SKAP2: variants seen among roughly 807,000 people sequenced by gnomAD.
The protein encoded by SKAP2 is src kinase-associated phosphoprotein 2.
A neutral mutation model predicts 54.9 loss-of-function variants in SKAP2; 28 were observed. The observed-to-expected ratio is 0.51, with a 90% confidence interval of 0.38 to 0.70. SKAP2 has a LOEUF of 0.70. Among genes scored for constraint, SKAP2 ranks in the 30% least tolerant of loss-of-function variants. The pLI is 0.00. For synonymous variants in SKAP2, 137 were observed against 134.3 expected, an observed-to-expected ratio of 1.02 and a Z score of -0.14; for missense variants, 356 against 424.1, an observed-to-expected ratio of 0.84 and a Z score of 1.41.
At chr7:26,753,484 C>T (rs1562597888) in intron 4 of SKAP2, among the ~76,000 whole-genome samples, 1 of 152,078 alleles carries the variant, frequency 6.6e-6, no homozygotes, top group East Asian at 1.9e-4. Context: ...ACAGATAAAA[C>T]ACAGTTCTGC....
rs538974844 is a variant in SKAP2 at position 26,719,557 on chromosome 7, A to C, written c.796+5871T>G. On this transcript the variant is annotated intron_variant, in intron 9 of 12. Coordinates refer to ENST00000345317, the MANE Select transcript of SKAP2 (RefSeq NM_003930.5). ...TCTTTTCCTTCAGCCTCAAAAGAAC[A>C]ACCCTATCAGAATAGGATAAATCAA... 2.6e-5 allele frequency among the ~76,000 whole-genome samples: 4 copies of C among 152,348 alleles called. No individual in the cohort carries two copies. In the South Asian group the frequency reaches 8.3e-4, roughly 32 times the overall value.
At chr7:26,773,374 T>C (rs1783230720) in intron 4 of SKAP2, among the ~76,000 whole-genome samples, 1 of 152,254 alleles carries the variant, frequency 6.6e-6, no homozygotes, top group Non-Finnish European at 1.5e-5. Context: ...ATAATTTGTA[T>C]TAAGTTAGCA....
intron 4 of SKAP2, among the ~76,000 whole-genome samples, chr7:26,825,994 C>A (rs890670978): frequency 6.6e-6 from 1 of 152,012 alleles, no homozygotes; most frequent in Non-Finnish European, 1.5e-5. Context: ...TTTAAGACTA[C>A]CTCAGTTTTC....
At chr7:26,747,371 G>C (rs1016986798) in intron 4 of SKAP2, among the ~76,000 whole-genome samples, 2 of 152,112 alleles carry the variant, frequency 1.3e-5, no homozygotes, top group African/African-American at 4.8e-5. Context: ...TTGGGGAAAA[G>C]GCTTTAAAAA....
At chr7:26,750,989 A>G (rs570271650) in intron 4 of SKAP2, among the ~76,000 whole-genome samples, 2 of 152,264 alleles carry the variant, frequency 1.3e-5, no homozygotes, top group East Asian at 3.9e-4. Context: ...TTTTCAGATT[A>G]TAAGTAACAT....
chr7:26,842,329 GTGTA>G (rs1562632031), intron 4 of SKAP2, among the ~76,000 whole-genome samples: 1 of 151,304 alleles, frequency 6.6e-6, no homozygotes, highest in Non-Finnish European at 1.5e-5. Context: ...CAATCTTTTA[GTGTA>G]TTTCCTGAAT....
At chr7:26,770,836 G>A (rs907092937) in intron 4 of SKAP2, among the ~76,000 whole-genome samples, 7 of 152,168 alleles carry the variant, frequency 4.6e-5, no homozygotes, top group Admixed American at 1.3e-4. Context: ...AGTTGGAAAT[G>A]CAGTAATCAC....
chr7:26,668,665 T>G lies in SKAP2; in HGVS notation c.*1001A>C, dbSNP rs1786163748. ...TTTGAGAATACACTGAGATTCTGTT[T>G]TTTTTTTTTTTTTTTTCTGAGATGG... On this transcript the variant is annotated 3_prime_UTR_variant, in exon 13 of 13. Coordinates refer to ENST00000345317, the MANE Select transcript of SKAP2 (RefSeq NM_003930.5). The G allele has an allele frequency of 6.7e-6, 1 of 149,626 alleles. No homozygotes were observed. Among genetic ancestry groups the G allele is most frequent in the African/African-American group, 2.5e-5 (1 of 40,508 alleles). The allele number at this position is 149,626 out of a possible 1,614,324, so 9.3% of individuals were successfully genotyped here.
At chr7:26,713,844 C>A (rs1264318010) in intron 9 of SKAP2, among the ~76,000 whole-genome samples, 1 of 152,156 alleles carries the variant, frequency 6.6e-6, no homozygotes, top group African/African-American at 2.4e-5. Flanking sequence ...CGTGATCCAC[C>A]TGCCTCGGCC....
intron 4 of SKAP2, among the ~76,000 whole-genome samples, chr7:26,760,512 C>T (rs1235470346): frequency 6.6e-6 from 1 of 152,078 alleles, no homozygotes; most frequent in African/African-American, 2.4e-5. Flanking sequence ...CATACAAATA[C>T]ACCTATGATA....
intron 9 of SKAP2, among the ~76,000 whole-genome samples, chr7:26,713,580 G>C (rs899727280): frequency 4.0e-5 from 6 of 151,870 alleles, no homozygotes; most frequent in African/African-American, 1.5e-4. Flanking sequence ...ACAGTGCTAA[G>C]ATGCTTATTT....
At chr7:26,680,598 T>A (rs932824798) in intron 11 of SKAP2, among the ~76,000 whole-genome samples, 3 of 152,224 alleles carry the variant, frequency 2.0e-5, no homozygotes, top group African/African-American at 7.2e-5. Context: ...TTGATCCATT[T>A]TTTAAGAGAA....
At chr7:26,864,263 G>T in intron 1 of SKAP2, 100 bp downstream of exon 1, 1 of 1,425,850 alleles carries the variant, frequency 7.0e-7, no homozygotes, top group South Asian at 1.2e-5. Context: ...TGGGAAGCGC[G>T]GGGAGGGAGG....
At chr7:26,863,169 C>G (rs1785302982) in intron 1 of SKAP2, among the ~76,000 whole-genome samples, 1 of 152,112 alleles carries the variant, frequency 6.6e-6, no homozygotes, top group Non-Finnish European at 1.5e-5. Context: ...CATTCATACA[C>G]TTAATATTAC....
chr7:26,691,704 C>G (rs898873380), intron 9 of SKAP2, among the ~76,000 whole-genome samples: 6 of 152,108 alleles, frequency 3.9e-5, no homozygotes, highest in Admixed American at 6.6e-5. Context: ...AGCAGAGAAA[C>G]CCCCCAACTA....
At position 26,796,308 on chromosome 7, in the gene SKAP2, A is replaced by C. The variant is rs78768305; in HGVS notation, c.307+47722T>G. ...TGCTGTTGGGGTGAGCTTGAGTGTT[A>C]CGAAAATCTGCTTAAAACGCTATGT... On this transcript the variant is annotated intron_variant, in intron 4 of 12. Transcript: ENST00000345317. 3.2e-3 allele frequency among the ~76,000 whole-genome samples: 481 copies of C among 149,144 alleles called. 2 individuals are homozygous for C. The highest frequency in any genetic ancestry group is 0.011 in the African/African-American group (458 of 40,340).
intron 4 of SKAP2, among the ~76,000 whole-genome samples, chr7:26,775,437 A>T (rs1345274035): frequency 1.3e-5 from 2 of 152,178 alleles, no homozygotes; most frequent in Non-Finnish European, 2.9e-5. Context: ...CTCAGTGGTA[A>T]CATTTTACAA....
At chr7:26,722,385 A>ATTTTTTTTTTTTTTTTTTT (rs35643377) in intron 9 of SKAP2, among the ~76,000 whole-genome samples, 1 of 89,056 alleles carries the variant, frequency 1.1e-5, no homozygotes, top group Non-Finnish European at 2.0e-5. Flanking sequence ...ATGCAATGCA[A>ATTTTTTTTTTTTTTTTTTT]TTTTTTTTTT....
chr7:26,714,362 G>T (rs999962001), intron 9 of SKAP2, among the ~76,000 whole-genome samples: 39 of 152,218 alleles, frequency 2.6e-4, no homozygotes, highest in African/African-American at 9.2e-4. Flanking sequence ...ATGGATAAGT[G>T]GCTATAAGCA....
Sources: allele counts gnomAD v4.1 joint callset (sites outside exome capture counted in the v4.1 genomes callset), GRCh38; gene constraint gnomAD v4.1.1; transcripts MANE v1.5; gene names NCBI Gene and HGNC (gene_info 2026-07-23, HGNC 2026-07-21).